Variants in HS2ST1 observed in about 807,000 individuals in gnomAD.
HS2ST1 encodes the protein heparan sulfate 2-O-sulfotransferase 1.
In HS2ST1, 18 loss-of-function variants were observed where a neutral mutation model predicts 42.9. The ratio of observed to expected loss-of-function variants is 0.42; its 90% CI spans 0.29 to 0.62. The LOEUF is 0.62. Among genes scored for constraint, HS2ST1 ranks in the 20% least tolerant of loss-of-function variants. HS2ST1 has a pLI of 0.21. For missense variants in HS2ST1, 334 were observed against 433.8 expected (o/e 0.77, Z 2.04); for synonymous variants, 146 against 152.9 (o/e 0.95, Z 0.33).
chr1:86,968,540 G>A (rs763753625), intron 1 of HS2ST1, among the ~76,000 whole-genome samples: 1 of 151,902 alleles, frequency 6.6e-6, no homozygotes, highest in Non-Finnish European at 1.5e-5. Flanking sequence ...GAGTAGCTGG[G>A]ACTACAGGTG....
chr1:86,927,915 C>G (rs1188250773), intron 1 of HS2ST1, among the ~76,000 whole-genome samples: 2 of 152,004 alleles, frequency 1.3e-5, no homozygotes, highest in Non-Finnish European at 2.9e-5. Context: ...TTTTCTGCTG[C>G]TTAAGTTGGT....
At position 86,985,495 on chromosome 1, in the gene HS2ST1, T is replaced by TATATAC. The variant is rs1557504916; in HGVS notation, c.124+70336_124+70337insTATACA. On this transcript the variant is annotated intron_variant, in intron 1 of 6. Transcript: ENST00000370550. ...ATATACACATATATACACATATATATACACATATATACACATATATATACA... is the reference window on the plus strand; with the variant it reads ...ATATACACATATATACACATATATATATATACACACATATATACACATATATATACA... Among the ~76,000 whole-genome samples, 42 of 75,488 alleles carry TATATAC rather than the reference T, an allele frequency of 5.6e-4. 1 individual carries two copies. The highest frequency in any genetic ancestry group is 1.4e-3 in the East Asian group (2 of 1,452). 49.5% of individuals were successfully genotyped at this position (75,488 alleles called of 152,430 possible). A position where few individuals can be genotyped will look rare whatever the true frequency, so the allele number is the denominator to read the frequency against.
chr1:86,935,330 C>T (rs1244531591), intron 1 of HS2ST1, among the ~76,000 whole-genome samples: 5 of 151,178 alleles, frequency 3.3e-5, no homozygotes, highest in Non-Finnish European at 7.4e-5. Flanking sequence ...AATAGAACTG[C>T]TTAAAATTAG....
At chr1:87,022,834 C>G (rs1649986065) in intron 1 of HS2ST1, among the ~76,000 whole-genome samples, 1 of 152,140 alleles carries the variant, frequency 6.6e-6, no homozygotes, top group Admixed American at 6.5e-5. Context: ...AACTCAAAAT[C>G]TTCCATATTG....
chr1:87,056,709 A>G (rs1650978584), intron 1 of HS2ST1, among the ~76,000 whole-genome samples: 3 of 152,206 alleles, frequency 2.0e-5, no homozygotes, highest in Admixed American at 1.3e-4. Flanking sequence ...TTTAAATTGT[A>G]TAATTTTTAT....
chr1:87,033,440 G>A (rs1287746946), intron 1 of HS2ST1, among the ~76,000 whole-genome samples: 4 of 152,206 alleles, frequency 2.6e-5, no homozygotes, highest in Admixed American at 1.3e-4. Context: ...TCTGTGCAGT[G>A]TATGAAATGC....
At chr1:87,061,404 C>T (rs1297985364) in intron 1 of HS2ST1, among the ~76,000 whole-genome samples, 2 of 151,992 alleles carry the variant, frequency 1.3e-5, no homozygotes, top group Non-Finnish European at 2.9e-5. Context: ...TTCCATTTCT[C>T]CCTCCCCCCA....
At chr1:87,083,429 G>A (rs543133074) in intron 2 of HS2ST1, among the ~76,000 whole-genome samples, 20 of 152,222 alleles carry the variant, frequency 1.3e-4, no homozygotes, top group African/African-American at 4.6e-4. Context: ...ATCATGCAGA[G>A]ATTTGCTTAT....
At chr1:87,003,596 C>T (rs1488143285) in intron 1 of HS2ST1, among the ~76,000 whole-genome samples, 2 of 152,136 alleles carry the variant, frequency 1.3e-5, no homozygotes, top group African/African-American at 2.4e-5. Flanking sequence ...TTTATAGACC[C>T]TGTCAAATAC....
chr1:87,083,665 C>T (rs541745210), intron 2 of HS2ST1, among the ~76,000 whole-genome samples: 2 of 152,202 alleles, frequency 1.3e-5, no homozygotes, highest in African/African-American at 4.8e-5. Context: ...ATCTTTTTAT[C>T]AACAAGCTTG....
At position 87,102,048 on chromosome 1, in the gene HS2ST1, T is replaced by TTTA. The variant is rs756546504; in HGVS notation, c.687-1363_687-1361dup. ...AGAGTGAAGGGGGAGGACCCAGTCG[T>TTTA]TTATTATTATTATTATTATTATTTT... On this transcript the variant is annotated intron_variant, in intron 5 of 6. Coordinates refer to ENST00000370550, the MANE Select transcript of HS2ST1 (RefSeq NM_012262.4). Among the ~76,000 whole-genome samples, 167 of 151,390 alleles carry TTTA rather than the reference T, an allele frequency of 1.1e-3. 1 individual carries two copies. The highest frequency in any genetic ancestry group is 0.01 in the South Asian group (50 of 4,784).
chr1:87,046,245 G>C, intron 1 of HS2ST1: 1 of 810,000 alleles, frequency 1.2e-6, no homozygotes, highest in Non-Finnish European at 2.2e-6. Flanking sequence ...TATCAAAGAG[G>C]GTGTGACCAA....
intron 1 of HS2ST1, among the ~76,000 whole-genome samples, chr1:86,998,770 A>G (rs928069205): frequency 6.6e-6 from 1 of 152,188 alleles, no homozygotes; most frequent in Admixed American, 6.5e-5. Flanking sequence ...AATATTTTTC[A>G]ACTTTCCCAA....
At position 87,104,774 on chromosome 1, in the gene HS2ST1, A is replaced by G; in HGVS notation, c.*78A>G. On this transcript the variant is annotated 3_prime_UTR_variant, in exon 7 of 7. Coordinates refer to ENST00000370550, the MANE Select transcript of HS2ST1 (RefSeq NM_012262.4). ...CTTTGTTCTCAGCTCCACAGTCTGG[A>G]TTGCTGACAGTAGGTGTATATGACA... 2 of 855,830 alleles carry G rather than the reference A, an allele frequency of 2.3e-6. No homozygotes were observed. The highest frequency in any genetic ancestry group is 1.5e-5 in the South Asian group (1 of 66,946). The allele number at this position is 855,830 out of a possible 1,614,324, so 53.0% of individuals were successfully genotyped here.
At chr1:87,085,111 T>G (rs962479253) in intron 3 of HS2ST1, among the ~76,000 whole-genome samples, 2 of 152,206 alleles carry the variant, frequency 1.3e-5, no homozygotes, top group African/African-American at 2.4e-5. Context: ...CATTTGAACT[T>G]TTTTGGTAGT....
At chr1:87,085,008 A>T (rs1651786633) in intron 3 of HS2ST1, among the ~76,000 whole-genome samples, 1 of 152,164 alleles carries the variant, frequency 6.6e-6, no homozygotes, top group South Asian at 2.1e-4. Context: ...CACAGTATTC[A>T]AGTACTATGT....
intron 1 of HS2ST1, among the ~76,000 whole-genome samples, chr1:87,022,572 A>G (rs960625823): frequency 1.3e-5 from 2 of 152,162 alleles, no homozygotes; most frequent in Non-Finnish European, 2.9e-5. Flanking sequence ...TAAAATAAAC[A>G]TGGTACTTTA....
chr1:86,970,520 C>T (rs1648200474), intron 1 of HS2ST1, among the ~76,000 whole-genome samples: 1 of 152,122 alleles, frequency 6.6e-6, no homozygotes. Context: ...TGTGCCTCAG[C>T]CTCCCAAGTT....
At chr1:87,039,295 T>C (rs1650463057) in intron 1 of HS2ST1, among the ~76,000 whole-genome samples, 1 of 152,228 alleles carries the variant, frequency 6.6e-6, no homozygotes, top group South Asian at 2.1e-4. Flanking sequence ...CTCAGCAATA[T>C]TACCAATAAC....
Sources: allele counts gnomAD v4.1 joint callset (sites outside exome capture counted in the v4.1 genomes callset), GRCh38; gene constraint gnomAD v4.1.1; transcripts MANE v1.5; gene names NCBI Gene and HGNC (gene_info 2026-07-23, HGNC 2026-07-21).